The following VPS26A variants were observed in gnomAD, a reference collection of about 807,000 sequenced individuals.
VPS26A encodes the protein vacuolar protein sorting-associated protein 26A.
VPS26A carries 22 observed loss-of-function variants against 42.4 expected under a neutral mutation model. The observed-to-expected ratio is 0.52, with a 90% confidence interval of 0.37 to 0.74. VPS26A has a LOEUF of 0.74. VPS26A is among the 30% of genes least tolerant of loss of function. VPS26A has a pLI of 0.00. For synonymous variants in VPS26A, 110 were observed against 123.5 expected, an observed-to-expected ratio of 0.89 and a Z score of 0.73; for missense variants, 276 against 379.2, an observed-to-expected ratio of 0.73 and a Z score of 2.26.
In VPS26A at chr10:69,168,598, T is replaced by G; in HGVS notation, c.837T>G (p.Val279=). Residue 279 remains valine (V), a synonymous_variant, in exon 8 of 9, where the codon GTT becomes GTG. Coordinates refer to ENST00000263559, the MANE Select transcript of VPS26A (RefSeq NM_004896.5). ...SVRYFLNLVL[V]DEEDRRYFKQ... is the part of the protein sequence containing the mutation. The stretch of plus-strand genomic sequence containing the variant: ...GGTACTTTTTGAATTTAGTGCTTGT[T>G]GATGAGGAAGACCGGAGGTACTTCA... 6.2e-7 allele frequency: 1 copy of G among 1,614,166 alleles called. No individual in the cohort carries two copies. Among genetic ancestry groups the G allele is most frequent in the Middle Eastern group, 1.7e-4 (1 of 6,060 alleles).
intron 2 of VPS26A, among the ~76,000 whole-genome samples, chr10:69,136,782 G>GTTATTTAT (rs373863330): frequency 4.0e-5 from 6 of 151,234 alleles, no homozygotes; most frequent in Non-Finnish European, 5.9e-5. Context: ...GGCCTGTTTT[G>GTTATTTAT]TTATTTATTT....
chr10:69,158,719 C>T (rs1414362728), intron 5 of VPS26A, among the ~76,000 whole-genome samples: 1 of 152,032 alleles, frequency 6.6e-6, no homozygotes, highest in Non-Finnish European at 1.5e-5. Context: ...AATATTTGAA[C>T]AGTATACTGA....
chr10:69,147,612 T>G (rs1841190702), intron 2 of VPS26A, among the ~76,000 whole-genome samples: 1 of 152,256 alleles, frequency 6.6e-6, no homozygotes, highest in African/African-American at 2.4e-5. Context: ...TCCAACTTTA[T>G]TCTTTTGCAT....
chr10:69,157,921 G>C, intron 4 of VPS26A, 126 bp from the exon 5 acceptor site: 1 of 764,122 alleles, frequency 1.3e-6, no homozygotes, highest in Non-Finnish European at 2.0e-6. Context: ...AAGTAATGAA[G>C]TAAGTTGATC....
chr10:69,125,750 T>G (rs1840637370), intron 1 of VPS26A, among the ~76,000 whole-genome samples: 1 of 152,198 alleles, frequency 6.6e-6, no homozygotes, highest in Non-Finnish European at 1.5e-5. Context: ...GTTTCATTGC[T>G]TGTGTATGGG....
intron 8 of VPS26A, chr10:69,170,333 A>G (rs1490879154): frequency 1.3e-5 from 2 of 152,232 alleles, no homozygotes; most frequent in African/African-American, 4.8e-5. Context: ...GATTTTTACA[A>G]TTTCAAAATC....
In VPS26A at chr10:69,144,419, G is replaced by A. The variant is rs543757354; in HGVS notation, c.153+11372G>A. Among the ~76,000 whole-genome samples the A allele has an allele frequency of 9.3e-5, 14 of 150,418 alleles. No homozygotes were observed. In the South Asian group the frequency reaches 3.0e-3, roughly 32 times the overall value. The stretch of plus-strand genomic sequence containing the variant: ...TGTGTTTCATTCACCTAGTCATGCC[G>A]CTCTGGCACCTGCGCTACCACCACC... On this transcript the variant is annotated intron_variant, in intron 2 of 8. Coordinates refer to ENST00000263559, the MANE Select transcript of VPS26A (RefSeq NM_004896.5).
chr10:69,125,429 T>G (rs113209053), intron 1 of VPS26A, among the ~76,000 whole-genome samples: 7 of 152,310 alleles, frequency 4.6e-5, no homozygotes, highest in South Asian at 2.1e-4. Context: ...TAGGGAGAGA[T>G]AAACATTTAT....
intron 5 of VPS26A, among the ~76,000 whole-genome samples, chr10:69,158,979 C>T (rs1041447693): frequency 4.5e-4 from 68 of 152,122 alleles, no homozygotes; most frequent in African/African-American, 1.6e-3. Flanking sequence ...TTCTCAGAAA[C>T]ATTACTTACA....
At chr10:69,164,159 T>C (rs959306734) in intron 6 of VPS26A, among the ~76,000 whole-genome samples, 5 of 152,124 alleles carry the variant, frequency 3.3e-5, no homozygotes, top group African/African-American at 7.2e-5. Context: ...CTTTGCCCCA[T>C]TATCTATTCT....
intron 1 of VPS26A, among the ~76,000 whole-genome samples, chr10:69,130,777 C>T (rs568116122): frequency 7.2e-5 from 11 of 152,120 alleles, no homozygotes; most frequent in Admixed American, 2.6e-4. Flanking sequence ...TGGAGTTATA[C>T]GTACGTTTTG....
chr10:69,171,057 G>T (rs1335329451), intron 8 of VPS26A, 99 bp from the exon 9 acceptor site: 2 of 1,006,630 alleles, frequency 2.0e-6, no homozygotes, highest in African/African-American at 1.6e-5. Flanking sequence ...TTGTAGGGAA[G>T]AATTTAATTT....
chr10:69,128,357 G>T (rs954733304), intron 1 of VPS26A, among the ~76,000 whole-genome samples: 8 of 150,612 alleles, frequency 5.3e-5, no homozygotes, highest in African/African-American at 2.0e-4. Context: ...TCAGCCTCCC[G>T]CATAGCTGGG....
intron 2 of VPS26A, among the ~76,000 whole-genome samples, chr10:69,151,525 G>A (rs1198967614): frequency 6.6e-6 from 1 of 150,712 alleles, no homozygotes. Flanking sequence ...GTGCTTCCTT[G>A]CAGAATAGCT....
intron 2 of VPS26A, among the ~76,000 whole-genome samples, chr10:69,143,863 C>T: frequency 6.6e-6 from 1 of 152,112 alleles, no homozygotes; most frequent in East Asian, 1.9e-4. Context: ...ACAACAGGCA[C>T]ACACCACCAT....
chr10:69,127,362 G>A (rs1194005952), intron 1 of VPS26A, among the ~76,000 whole-genome samples: 2 of 150,836 alleles, frequency 1.3e-5, no homozygotes, highest in East Asian at 2.0e-4. Flanking sequence ...GAGCATCCTG[G>A]CTAACACGGT....
intron 1 of VPS26A, 128 bp downstream of exon 1, chr10:69,124,408 C>T (rs1840602009): frequency 3.1e-5 from 32 of 1,043,732 alleles, no homozygotes; most frequent in Non-Finnish European, 3.9e-5. Context: ...CGGGGTTAGG[C>T]CTGTCGGGCC....
rs530218638 is a variant in VPS26A, at chr10:69,127,226, G to A, written c.3+2946G>A. Reference sequence around the variant, plus strand: ...CTCCCAAAGTGTTGGGATTACAGGTGTGAGCCACTGTGCCTGGCTGACTAG... The same window carrying A: ...CTCCCAAAGTGTTGGGATTACAGGTATGAGCCACTGTGCCTGGCTGACTAG... On this transcript the variant is annotated intron_variant, in intron 1 of 8. Coordinates refer to ENST00000263559, the MANE Select transcript of VPS26A (RefSeq NM_004896.5). Among the ~76,000 whole-genome samples, 480 of 150,056 alleles carry A rather than the reference G, an allele frequency of 3.2e-3. 1 individual carries two copies. The highest frequency in any genetic ancestry group is 7.3e-3 in the Admixed American group (109 of 14,904).
chr10:69,149,734 G>T (rs12769124), intron 2 of VPS26A, among the ~76,000 whole-genome samples: 7,565 of 20,782 alleles, frequency 0.36, 1,216 homozygotes, highest in Middle Eastern at 0.64. Context: ...GGTGTTTTTT[G>T]TTTTTTTTTT....
Sources: gnomAD v4.1 joint callset for allele counts (sites outside exome capture counted in the v4.1 genomes callset) on GRCh38, gnomAD v4.1.1 for gene constraint, MANE v1.5 for transcripts, NCBI Gene and HGNC (gene_info 2026-07-23, HGNC 2026-07-21) for gene names.